The following COL6A5 variants were observed in gnomAD, a reference collection of about 807,000 sequenced individuals.
COL6A5 encodes collagen alpha-5(VI) chain.
In COL6A5, 48 loss-of-function variants were observed where a neutral mutation model predicts 65.6. The ratio of observed to expected loss-of-function variants is 0.73; its 90% CI spans 0.58 to 0.93. The LOEUF (loss-of-function observed/expected upper bound fraction) is 0.93, where lower values mean the gene tolerates loss of function less well. Among genes scored for constraint, COL6A5 ranks in the 40% least tolerant of loss-of-function variants. The pLI is 0.00. For missense variants in COL6A5, 914 were observed against 928.3 expected, an observed-to-expected ratio of 0.98 and a Z score of 0.20; for synonymous variants, 291 against 322.8, an observed-to-expected ratio of 0.90 and a Z score of 1.05.
rs373829178 is a variant in COL6A5, at chr3:130,416,419, G to A, written c.4825-338G>A. Among the ~76,000 whole-genome samples the A allele has an allele frequency of 2.5e-4, 38 of 152,248 alleles. No individual in the cohort carries two copies. In the East Asian group the frequency reaches 4.1e-3, roughly 16 times the overall value. The stretch of plus-strand genomic sequence containing the variant: ...ATGGTACGGGCACAAAGGTGGCAAA[G>A]TGTCTTCTTCTAAAAAAATCAGTGC... On this transcript the variant is annotated intron_variant and NMD_transcript_variant, in intron 23 of 41. Transcript: ENST00000312481.
chr3:130,374,421 A>T (rs1016366305), intron 2 of COL6A5, among the ~76,000 whole-genome samples: 2 of 152,102 alleles, frequency 1.3e-5, no homozygotes, highest in Non-Finnish European at 2.9e-5. Context: ...GACAGCTATG[A>T]TGTCATTAGG....
chr3:130,418,005 C>T (rs10934941), intron 24 of COL6A5, among the ~76,000 whole-genome samples: 12,982 of 151,794 alleles, frequency 0.086, 1,152 homozygotes, highest in East Asian at 0.33. Flanking sequence ...ATTGTATACT[C>T]GAAATTTTGC....
At chr3:130,439,342 TGTGTGTGTG>T (rs1709113625) in intron 1 of COL6A5, among the ~76,000 whole-genome samples, 171 bp from the exon 34 acceptor site, 1 of 4,308 alleles carries the variant, frequency 2.3e-4, no homozygotes, top group Non-Finnish European at 1.3e-3. Flanking sequence ...CAGGGGATTG[TGTGTGTGTG>T]TGTGTGTGTG....
chr3:130,385,272 C>T, exon 5 of COL6A5: 1 of 1,550,870 alleles, frequency 6.4e-7, no homozygotes, highest in Non-Finnish European at 8.7e-7. Context: ...CAAGAAATTG[C>T]TGGGAAAGAA....
chr3:130,382,155 A>G (rs1451860245), intron 4 of COL6A5, among the ~76,000 whole-genome samples: 1 of 152,088 alleles, frequency 6.6e-6, no homozygotes, highest in Non-Finnish European at 1.5e-5. Context: ...CGTTGGCTCA[A>G]TTCCATGGTG....
upstream of COL6A5, among the ~76,000 whole-genome samples, chr3:130,430,502 T>G (rs1274868361): frequency 6.6e-6 from 1 of 152,140 alleles, no homozygotes; most frequent in Non-Finnish European, 1.5e-5. Flanking sequence ...AAGTGCTTAT[T>G]AAAAGAAAAA....
intron 7 of COL6A5, among the ~76,000 whole-genome samples, chr3:130,473,706 T>C (rs1710016418): frequency 6.6e-6 from 1 of 151,968 alleles, no homozygotes; most frequent in Non-Finnish European, 1.5e-5. Context: ...AAAGCAAGTG[T>C]TTCTTGTGAT....
At chr3:130,456,229 A>G (rs1040637509) in intron 5 of COL6A5, among the ~76,000 whole-genome samples, 1 of 152,166 alleles carries the variant, frequency 6.6e-6, no homozygotes, top group South Asian at 2.1e-4. Context: ...TGCCTACTCT[A>G]TACATTTTAA....
At chr3:130,352,785 A>T (rs1559852901) in intron 1 of COL6A5, among the ~76,000 whole-genome samples, 1 of 152,216 alleles carries the variant, frequency 6.6e-6, no homozygotes, top group African/African-American at 2.4e-5. Flanking sequence ...TCCAAAAATT[A>T]TTTGGACAGA....
intron 28 of COL6A5, 36 bp from the exon 29 acceptor site, chr3:130,423,802 G>A (rs1229307648): frequency 3.3e-6 from 5 of 1,500,722 alleles, no homozygotes; most frequent in Non-Finnish European, 4.5e-6. Flanking sequence ...GATAGACAGT[G>A]TTGAAACTAA....
chr3:130,376,119 T>C, intron 2 of COL6A5, 118 bp from the exon 3 acceptor site: 1 of 1,073,492 alleles, frequency 9.3e-7, no homozygotes, highest in Non-Finnish European at 1.2e-6. Flanking sequence ...CAGAAGACAC[T>C]TTTCTTGGGA....
intron 7 of COL6A5, chr3:130,471,854 A>G (rs1321661553): frequency 6.6e-7 from 1 of 1,512,802 alleles, no homozygotes; most frequent in Admixed American, 2.1e-5. Context: ...GAAACTGGCA[A>G]TGAAAGACAA....
intron 1 of COL6A5, among the ~76,000 whole-genome samples, chr3:130,435,986 G>A (rs988449933): frequency 2.6e-5 from 4 of 152,086 alleles, no homozygotes; most frequent in Non-Finnish European, 5.9e-5. Context: ...CAGGAGTGGT[G>A]AGAGAGTTAG....
At chr3:130,392,134 C>A (rs1307341301) in intron 7 of COL6A5, among the ~76,000 whole-genome samples, 1 of 152,182 alleles carries the variant, frequency 6.6e-6, no homozygotes, top group Non-Finnish European at 1.5e-5. Flanking sequence ...AGTTTCAGGT[C>A]AAACTCAAAC....
chr3:130,479,875 G>A (rs547512112), intron 7 of COL6A5, among the ~76,000 whole-genome samples: 82 of 152,092 alleles, frequency 5.4e-4, no homozygotes, highest in Admixed American at 1.2e-3. Flanking sequence ...ATAATTAATA[G>A]CCATTTGATA....
At chr3:130,415,423 G>A (rs1490548719) in intron 22 of COL6A5, among the ~76,000 whole-genome samples, 1 of 152,062 alleles carries the variant, frequency 6.6e-6, no homozygotes, top group Non-Finnish European at 1.5e-5. Context: ...GTAGAAGAGG[G>A]ATGAAGGTCT....
At chr3:130,477,303 A>G (rs1463564305) in intron 7 of COL6A5, 1 of 435,488 alleles carries the variant, frequency 2.3e-6, no homozygotes, top group African/African-American at 2.0e-5. Context: ...TTGATCATCT[A>G]TTTGACAATT....
At chr3:130,428,552 G>T (rs11926930), upstream of COL6A5, among the ~76,000 whole-genome samples, 16,616 of 152,236 alleles carry the variant, frequency 0.11, 992 homozygotes, top group South Asian at 0.19. Context: ...TTGTTCAAAA[G>T]AGTTTAAGTA....
At chr3:130,453,887 GA>G (rs1423471758) in intron 4 of COL6A5, among the ~76,000 whole-genome samples, 4 of 152,136 alleles carry the variant, frequency 2.6e-5, no homozygotes, top group African/African-American at 9.7e-5. Context: ...TCTAATGTCA[GA>G]TTTCATTTAC....
Sources: gnomAD v4.1 joint callset for allele counts (sites outside exome capture counted in the v4.1 genomes callset) on GRCh38, gnomAD v4.1.1 for gene constraint, MANE v1.5 for transcripts, NCBI Gene and HGNC (gene_info 2026-07-23, HGNC 2026-07-21) for gene names.